Variants in GULP1 observed in about 807,000 individuals in gnomAD.
The protein encoded by GULP1 is PTB domain-containing engulfment adapter protein 1.
GULP1 carries 19 observed loss-of-function variants against 40.9 expected under a neutral mutation model. That is an observed-to-expected ratio of 0.46 (90% CI 0.32 to 0.68). The LOEUF is 0.68. GULP1 is among the 30% of genes least tolerant of loss of function. The pLI, the probability that GULP1 is intolerant of heterozygous loss-of-function variation, is 0.03. For missense variants in GULP1, 312 were observed against 362.2 expected (o/e 0.86, Z 1.12); for synonymous variants, 119 against 117.6 (o/e 1.01, Z -0.08).
intron 1 of GULP1, among the ~76,000 whole-genome samples, chr2:188,353,800 G>C (rs1424334011): frequency 6.6e-6 from 1 of 151,650 alleles, no homozygotes; most frequent in East Asian, 2.0e-4. Context: ...ACAGTGCTTT[G>C]GTCACCCAGA....
At chr2:188,413,783 G>A (rs527453574) in intron 2 of GULP1, among the ~76,000 whole-genome samples, 1 of 152,214 alleles carries the variant, frequency 6.6e-6, no homozygotes, top group East Asian at 1.9e-4. Flanking sequence ...AATTGTAAAG[G>A]TTGGTTATTT....
At chr2:188,485,639 T>A (rs1418868335) in intron 4 of GULP1, among the ~76,000 whole-genome samples, 5 of 152,016 alleles carry the variant, frequency 3.3e-5, no homozygotes, top group Non-Finnish European at 1.5e-5. Context: ...AGAGCTAGAT[T>A]CCTTGGTTTA....
At chr2:188,345,129 A>G (rs1226222602) in intron 1 of GULP1, among the ~76,000 whole-genome samples, 3 of 152,134 alleles carry the variant, frequency 2.0e-5, no homozygotes, top group African/African-American at 7.2e-5. Flanking sequence ...TTGAAAAATT[A>G]TCTTCTTTTT....
At chr2:188,499,491 C>A (rs893125957) in intron 4 of GULP1, among the ~76,000 whole-genome samples, 2 of 151,510 alleles carry the variant, frequency 1.3e-5, no homozygotes, top group African/African-American at 4.8e-5. Context: ...GGCCTCTATA[C>A]CTTTGCAAAG....
At chr2:188,356,718 C>G (rs1352041748) in intron 1 of GULP1, among the ~76,000 whole-genome samples, 1 of 151,904 alleles carries the variant, frequency 6.6e-6, no homozygotes, top group South Asian at 2.1e-4. Context: ...ACCAAAGACC[C>G]CAAAAAGCTA....
chr2:188,363,601 A>G (rs1387228632), intron 1 of GULP1, among the ~76,000 whole-genome samples: 1 of 152,128 alleles, frequency 6.6e-6, no homozygotes, highest in Admixed American at 6.5e-5. Flanking sequence ...TTCAAGGCAA[A>G]GGGTTATTAA....
At chr2:188,334,163 G>A (rs777437622) in intron 1 of GULP1, among the ~76,000 whole-genome samples, 3 of 152,202 alleles carry the variant, frequency 2.0e-5, no homozygotes, top group Non-Finnish European at 4.4e-5. Flanking sequence ...GAGGAGAAAT[G>A]TAGAATTACA....
chr2:188,480,296 A>C (rs540725403), intron 3 of GULP1, among the ~76,000 whole-genome samples: 6 of 152,068 alleles, frequency 3.9e-5, no homozygotes, highest in Non-Finnish European at 7.4e-5. Flanking sequence ...CCCTGTGTAC[A>C]GTATCCTAAA....
intron 6 of GULP1, among the ~76,000 whole-genome samples, chr2:188,537,004 A>T (rs974529959): frequency 1.1e-4 from 16 of 152,150 alleles, no homozygotes; most frequent in African/African-American, 3.9e-4. Context: ...GGTATACAGA[A>T]ATGCTACTGA....
At chr2:188,434,486 G>C (rs1490096454) in intron 2 of GULP1, among the ~76,000 whole-genome samples, 4 of 150,676 alleles carry the variant, frequency 2.7e-5, no homozygotes, top group Admixed American at 6.6e-5. Flanking sequence ...TATCCATTCT[G>C]CCTCTTGTTT....
At chr2:188,465,636 A>G (rs1244863390) in intron 2 of GULP1, among the ~76,000 whole-genome samples, 1 of 152,070 alleles carries the variant, frequency 6.6e-6, no homozygotes, top group Non-Finnish European at 1.5e-5. Flanking sequence ...TGGGATTGGC[A>G]ATTCTCCTTT....
intron 4 of GULP1, among the ~76,000 whole-genome samples, chr2:188,505,999 A>T (rs1246564705): frequency 6.6e-6 from 1 of 151,928 alleles, no homozygotes; most frequent in Non-Finnish European, 1.5e-5. Context: ...TAACAGATAT[A>T]TAATTATAGT....
intron 2 of GULP1, among the ~76,000 whole-genome samples, chr2:188,398,055 G>C (rs1455429024): frequency 6.6e-6 from 1 of 152,122 alleles, no homozygotes; most frequent in Non-Finnish European, 1.5e-5. Context: ...GGATTAACTG[G>C]ATGAACTGTA....
Position 188,399,945 on chromosome 2 carries a change from A to G in GULP1, c.-45+16056A>G, listed in dbSNP as rs187102885. On this transcript the variant is annotated intron_variant, in intron 2 of 11. Coordinates refer to ENST00000409830, the MANE Select transcript of GULP1 (RefSeq NM_016315.4). ...AACAATGGAGTTATTCCTTGCTTTT[A>G]TGGAGTTTATAGTCTAGTGAAATAG... 1.8e-4 allele frequency among the ~76,000 whole-genome samples: 27 copies of G among 152,310 alleles called. 1 individual carries two copies. Among genetic ancestry groups the G allele is most frequent in the Admixed American group, 1.4e-3 (21 of 15,298 alleles).
At chr2:188,294,605 CA>C (rs2034516124) in intron 1 of GULP1, among the ~76,000 whole-genome samples, 1 of 151,822 alleles carries the variant, frequency 6.6e-6, no homozygotes. Context: ...AACAAACAAA[CA>C]AACAAACTAA....
chr2:188,357,443 G>A (rs1482672940), intron 1 of GULP1, among the ~76,000 whole-genome samples: 1 of 152,080 alleles, frequency 6.6e-6, no homozygotes, highest in Non-Finnish European at 1.5e-5. Context: ...AAGTATATGA[G>A]AAAACGCTTG....
chr2:188,465,809 G>A (rs1385284372), intron 2 of GULP1, among the ~76,000 whole-genome samples: 1 of 152,106 alleles, frequency 6.6e-6, no homozygotes, highest in African/African-American at 2.4e-5. Context: ...ACACCAGGCT[G>A]CCTCTCTGAG....
chr2:188,432,834 G>A (rs554600796), intron 2 of GULP1, among the ~76,000 whole-genome samples: 1 of 151,778 alleles, frequency 6.6e-6, no homozygotes, highest in East Asian at 1.9e-4. Context: ...TTGGTACCTC[G>A]TGGCCAAAAC....
chr2:188,501,599 C>G (rs1049090793), intron 4 of GULP1, among the ~76,000 whole-genome samples: 8 of 151,870 alleles, frequency 5.3e-5, no homozygotes, highest in Non-Finnish European at 1.2e-4. Flanking sequence ...TATGAGACCT[C>G]TAAGACCTTT....
Sources: gnomAD v4.1 joint callset for allele counts (sites outside exome capture counted in the v4.1 genomes callset) on GRCh38, gnomAD v4.1.1 for gene constraint, MANE v1.5 for transcripts, NCBI Gene and HGNC (gene_info 2026-07-23, HGNC 2026-07-21) for gene names.